Variants in RNF19A observed in about 807,000 individuals in gnomAD.
RNF19A encodes ring finger protein 19A, RBR E3 ubiquitin protein ligase.
A neutral mutation model predicts 75.7 loss-of-function variants in RNF19A; 32 were observed. The observed-to-expected ratio is 0.42, with a 90% CI of 0.32 to 0.57. RNF19A has a LOEUF of 0.57. Among genes scored for constraint, RNF19A ranks in the 20% least tolerant of loss-of-function variants. The probability of loss-of-function intolerance (pLI) is 0.10; values close to 1 mark genes in which losing one functional copy is unlikely to be tolerated. For synonymous variants in RNF19A, 335 were observed against 345.2 expected, an observed-to-expected ratio of 0.97 and a Z score of 0.33; for missense variants, 782 against 1,036.3, an observed-to-expected ratio of 0.75 and a Z score of 3.37.
At position 100,258,531 on chromosome 8, in the gene RNF19A, T is replaced by C; in HGVS notation, c.*25A>G. On this transcript the variant is annotated 3_prime_UTR_variant, in exon 10 of 10. Transcript: ENST00000341084. This position sits in a 1 kb window ranked among gnomAD's most constrained non-coding sequence, Gnocchi z 4.3. ...AGCTCCAAACACGGTTGTACAGTGG[T>C]AATTATTCTGCAGCATTTATGGGCC... is the stretch of plus-strand genomic sequence containing the variant. 1 of 1,565,782 alleles carries C rather than the reference T, an allele frequency of 6.4e-7. No homozygotes were observed. Among genetic ancestry groups the C allele is most frequent in the Non-Finnish European group, 8.7e-7 (1 of 1,149,076 alleles).
At position 100,268,596 on chromosome 8, in the gene RNF19A, CG is replaced by C. The variant is rs375821399; in HGVS notation, c.1191+188del. 4 of 388,014 alleles carry C rather than the reference CG, an allele frequency of 1.0e-5. No individual in the cohort carries two copies. The South Asian group carries it at 4.0e-4, about 39-fold the overall frequency. 24.0% of individuals were successfully genotyped at this position (388,014 alleles called of 1,614,324 possible). On this transcript the variant is annotated intron_variant, in intron 5 of 9. Transcript: ENST00000341084. ...CATTTTAAAGCAAGTCTGCTTTATA[CG>C]TATTTATATATGCTTGCCAAACACT...
intron 2 of RNF19A, among the ~76,000 whole-genome samples, chr8:100,279,048 A>G (rs1182980884): frequency 2.0e-5 from 3 of 152,314 alleles, no homozygotes; most frequent in East Asian, 1.9e-4. Context: ...CTTTCAGATG[A>G]TAATTCCTTA....
rs1266869591 is a variant in RNF19A at position 100,269,935 on chromosome 8, CAT to C, written c.960_961del (p.Ala322CysfsTer5). On this transcript the variant is annotated frameshift_variant, in exon 4 of 10. Coordinates refer to ENST00000341084, the MANE Select transcript of RNF19A (RefSeq NM_183419.4). LOFTEE classifies it high-confidence loss of function. The surrounding 1 kb of genome is among the most constrained non-coding windows in gnomAD (Gnocchi z 5.7). ...ACAAAACTCACAACCACAAACAGCA[CAT>C]GTCATGTGATTGCAGCTCCCATCAT... 3 of 1,610,312 alleles carry C rather than the reference CAT, an allele frequency of 1.9e-6. No homozygotes were observed. The highest frequency in any genetic ancestry group is 2.5e-6 in the Non-Finnish European group (3 of 1,178,352).
At chr8:100,274,532 A>G (rs1820410584) in intron 3 of RNF19A, among the ~76,000 whole-genome samples, 1 of 152,156 alleles carries the variant, frequency 6.6e-6, no homozygotes, top group South Asian at 2.1e-4. Context: ...TGATTATCTC[A>G]ATACACTGCT....
intron 1 of RNF19A, among the ~76,000 whole-genome samples, chr8:100,315,906 C>G (rs1019970127): frequency 6.6e-6 from 1 of 152,210 alleles, no homozygotes; most frequent in Non-Finnish European, 1.5e-5. Context: ...TCCACAAGCT[C>G]TCCAGGTAAT....
At position 100,259,022 on chromosome 8, in the gene RNF19A, A is replaced by T; in HGVS notation, c.2051T>A (p.Met684Lys). The part of the protein sequence containing the change: ...KSGKLRKKGN[M>K]KINETREDMD... ...GTCCTCTCTCGTCTCATTTATCTTC[A>T]TGTTACCCTTTTTCCTCAGTTTACC... The change falls in exon 10 of 10, where the codon ATG (methionine) becomes AAG (lysine). Residue 684 changes from methionine to lysine, a missense_variant. By Grantham distance (95) the Met-to-Lys change is moderately conservative (BLOSUM62 -1). Coordinates refer to ENST00000341084, the MANE Select transcript of RNF19A (RefSeq NM_183419.4). This position sits in a 1 kb window ranked among gnomAD's most constrained non-coding sequence, Gnocchi z 4.5. 1.2e-6 allele frequency: 2 copies of T among 1,614,102 alleles called. No individual in the cohort carries two copies. Among genetic ancestry groups the T allele is most frequent in the Non-Finnish European group, 1.7e-6 (2 of 1,180,010 alleles).
At position 100,317,377 on chromosome 8, in the gene RNF19A, C is replaced by A. The variant is rs1822400005; in HGVS notation, c.-242-4005G>T. On this transcript the variant is annotated intron_variant, in intron 1 of 3. Transcript: ENST00000519527. This position sits in a 1 kb window ranked among gnomAD's most constrained non-coding sequence, Gnocchi z 4.3. Reference sequence around the variant, plus strand: ...AGTGTTTCAGTCATTATGATAATATCCCAACTTCAGGAAGTTTTCTTCCAC... The same window carrying A: ...AGTGTTTCAGTCATTATGATAATATACCAACTTCAGGAAGTTTTCTTCCAC... Among the ~76,000 whole-genome samples the A allele has an allele frequency of 6.6e-6, 1 of 152,216 alleles. No individual in the cohort carries two copies. Among genetic ancestry groups the A allele is most frequent in the Non-Finnish European group, 1.5e-5 (1 of 68,040 alleles).
At chr8:100,308,707 A>C (rs1287700048) in intron 1 of RNF19A, among the ~76,000 whole-genome samples, 1 of 152,188 alleles carries the variant, frequency 6.6e-6, no homozygotes, top group East Asian at 1.9e-4. Context: ...AAAAATGTGG[A>C]ATGTAAAGAT....
chr8:100,279,063 TTC>T (rs1820658203), intron 2 of RNF19A, among the ~76,000 whole-genome samples: 1 of 152,308 alleles, frequency 6.6e-6, no homozygotes, highest in Admixed American at 6.5e-5. Flanking sequence ...TCCTTACAAG[TTC>T]TGAGTCTAGA....
At chr8:100,309,399 G>A (rs1263818777) in intron 1 of RNF19A, 2 of 985,658 alleles carry the variant, frequency 2.0e-6, no homozygotes, top group South Asian at 4.7e-5. Context: ...AATCGGTCCC[G>A]TTAGAGCCGA....
chr8:100,310,540 G>T (rs1822264867), upstream of RNF19A, among the ~76,000 whole-genome samples: 1 of 152,246 alleles, frequency 6.6e-6, no homozygotes, highest in South Asian at 2.1e-4. Context: ...TGTTCTCAGG[G>T]TTCACCTGCT....
At chr8:100,285,802 A>G (rs1820990257) in intron 2 of RNF19A, among the ~76,000 whole-genome samples, 1 of 151,702 alleles carries the variant, frequency 6.6e-6, no homozygotes, top group Non-Finnish European at 1.5e-5. Context: ...CCAGTTGTAG[A>G]TTTTTTTTAA....
chr8:100,273,795 T>C lies in RNF19A; in HGVS notation c.883+1158A>G, dbSNP rs542680817. On this transcript the variant is annotated intron_variant, in intron 3 of 9. Coordinates refer to ENST00000341084, the MANE Select transcript of RNF19A (RefSeq NM_183419.4). ...TATTTTATTATTATCATCATTATTA[T>C]TTTTTGAGATGGAGTCTCACTCTGT... Among the ~76,000 whole-genome samples the C allele has an allele frequency of 4.6e-5, 7 of 152,308 alleles. No individual in the cohort carries two copies. The South Asian group carries it at 1.5e-3, about 32-fold the overall frequency.
chr8:100,325,524 C>T lies in RNF19A; in HGVS notation c.-243+10584G>A, dbSNP rs1299822243. Among the ~76,000 whole-genome samples, 2 of 152,228 alleles carry T rather than the reference C, an allele frequency of 1.3e-5. No homozygotes were observed. The highest frequency in any genetic ancestry group is 2.1e-4 in the South Asian group (1 of 4,830). ...GTGACCTCTGAACAAGACGTTTCAA[C>T]TTTATATGTACCCAGGAATTTGGAT... On this transcript the variant is annotated intron_variant, in intron 1 of 3. Transcript: ENST00000519527. The surrounding 1 kb of genome is among the most constrained non-coding windows in gnomAD (Gnocchi z 4.3).
chr8:100,290,061 G>A (rs997403138), intron 1 of RNF19A, among the ~76,000 whole-genome samples: 10 of 152,150 alleles, frequency 6.6e-5, no homozygotes, highest in African/African-American at 2.4e-4. Flanking sequence ...GAGAATTAAT[G>A]TACAATGTTA....
intron 1 of RNF19A, among the ~76,000 whole-genome samples, chr8:100,292,763 CTGATT>C (rs1415738110): frequency 1.3e-5 from 2 of 152,136 alleles, no homozygotes; most frequent in African/African-American, 4.8e-5. Flanking sequence ...TACATACATA[CTGATT>C]TAATTTTTTA....
chr8:100,294,296 T>G (rs1057507640), intron 1 of RNF19A, among the ~76,000 whole-genome samples: 1 of 152,224 alleles, frequency 6.6e-6, no homozygotes, highest in Non-Finnish European at 1.5e-5. Context: ...TTTTATGCTC[T>G]TTTAGAGTAG....
chr8:100,292,435 GGTGTGT>G (rs1554671903), intron 1 of RNF19A, among the ~76,000 whole-genome samples: 50 of 145,428 alleles, frequency 3.4e-4, no homozygotes, highest in Middle Eastern at 3.5e-3. Context: ...CTATCATATG[GGTGTGT>G]GTGTGTGTGT....
chr8:100,304,688 TCTC>T (rs1821993872), intron 1 of RNF19A, among the ~76,000 whole-genome samples: 1 of 152,230 alleles, frequency 6.6e-6, no homozygotes, highest in Non-Finnish European at 1.5e-5. Flanking sequence ...CCTAGTCGCC[TCTC>T]CTGATTCTAT....
Sources: gnomAD v4.1 joint callset for allele counts (sites outside exome capture counted in the v4.1 genomes callset) on GRCh38, gnomAD v4.1.1 for gene constraint, Gnocchi (gnomAD v3.1) non-coding constraint, MANE v1.5 for transcripts, NCBI Gene and HGNC (gene_info 2026-07-23, HGNC 2026-07-21) for gene names.